Variants in CCM2 observed in about 807,000 individuals in gnomAD.
The protein encoded by CCM2 is cerebral cavernous malformations 2 protein.
CCM2 carries 25 observed loss-of-function variants against 44.9 expected under a neutral mutation model. The observed-to-expected ratio is 0.56, with a 90% CI of 0.41 to 0.78. The LOEUF (loss-of-function observed/expected upper bound fraction) is 0.78. CCM2 is among the 30% of genes least tolerant of loss of function. The pLI, the probability that CCM2 is intolerant of heterozygous loss-of-function variation, is 0.00. For missense variants in CCM2, 481 were observed against 580.6 expected (o/e 0.83, Z 1.76); for synonymous variants, 219 against 241.1 (o/e 0.91, Z 0.85).
chr7:45,068,504 T>C lies in CCM2; in HGVS notation c.534T>C (p.Ser178=), dbSNP rs1415985916. The change falls in exon 5 of 10, where the codon AGT becomes AGC. Residue 178 remains serine (S), a synonymous_variant. Coordinates refer to ENST00000258781, the MANE Select transcript of CCM2 (RefSeq NM_031443.4). ...SLCAESSRGL[S]AGSLSESAVG... is the part of the protein sequence containing the mutation. The stretch of plus-strand genomic sequence containing the variant: ...GTGCGGAAAGTTCCAGAGGCCTCAG[T>C]GCAGGCTCCCTGTCGGAGAGTGCAG... 1.9e-6 allele frequency: 3 copies of C among 1,614,158 alleles called. No homozygotes were observed. The highest frequency in any genetic ancestry group is 2.7e-5 in the African/African-American group (2 of 75,048).
At chr7:45,043,664 C>A in intron 2 of CCM2, 2 of 373,504 alleles carry the variant, frequency 5.4e-6, no homozygotes, top group Non-Finnish European at 1.0e-5. Flanking sequence ...TTTTAATTAA[C>A]ATTTCTTCAA....
intron 1 of CCM2, among the ~76,000 whole-genome samples, chr7:45,009,723 C>A (rs141409162): frequency 6.6e-4 from 101 of 152,188 alleles, no homozygotes; most frequent in African/African-American, 2.2e-3. Flanking sequence ...TTGTTTTATC[C>A]CATATCTAGC....
At chr7:45,027,818 G>A (rs1375559367) in intron 1 of CCM2, 1 of 1,613,524 alleles carries the variant, frequency 6.2e-7, no homozygotes, top group African/African-American at 1.3e-5. Context: ...GTCCAGTGTG[G>A]AAAGCGCCAT....
intron 1 of CCM2, among the ~76,000 whole-genome samples, chr7:45,012,168 C>T (rs377183528): frequency 2.5e-5 from 3 of 119,572 alleles, no homozygotes; most frequent in Non-Finnish European, 3.3e-5. Context: ...TAGTCTTTCT[C>T]TCTTACCCAG....
Position 45,000,316 on chromosome 7 carries a change from G to C in CCM2, c.-18G>C. The C allele has an allele frequency of 7.9e-7, 1 of 1,259,956 alleles. No homozygotes were observed. The highest frequency in any genetic ancestry group is 1.0e-6 in the Non-Finnish European group (1 of 995,254). The allele number at this position is 1,259,956 out of a possible 1,614,324, so 78.0% of individuals were successfully genotyped here. ...CCCGGGGCGGGCCGGGCGGGCCGCGGGAGCCGCACGCGGCGATATGGAAGA... is the reference window on the plus strand; with the variant it reads ...CCCGGGGCGGGCCGGGCGGGCCGCGCGAGCCGCACGCGGCGATATGGAAGA... On this transcript the variant is annotated 5_prime_UTR_variant, in exon 1 of 10. Transcript: ENST00000258781.
intron 2 of CCM2, among the ~76,000 whole-genome samples, chr7:45,041,727 T>C (rs75506113): frequency 1.8e-4 from 27 of 152,306 alleles, no homozygotes; most frequent in African/African-American, 6.5e-4. Flanking sequence ...CAGAGAAAGT[T>C]GAATAGGGAC....
At position 45,000,303 on chromosome 7, in the gene CCM2, C is replaced by T. The variant is rs1451449421; in HGVS notation, c.-31C>T. On this transcript the variant is annotated 5_prime_UTR_variant, in exon 1 of 10. Transcript: ENST00000258781. ...TGGCGGCGGGGCTCCCGGGGCGGGC[C>T]GGGCGGGCCGCGGGAGCCGCACGCG... is the stretch of plus-strand genomic sequence containing the variant. 8.3e-6 allele frequency: 10 copies of T among 1,208,900 alleles called. No individual in the cohort carries two copies. Among genetic ancestry groups the T allele is most frequent in the South Asian group, 3.9e-5 (1 of 25,952 alleles). 74.9% of individuals were successfully genotyped at this position (1,208,900 alleles called of 1,614,324 possible). A position where few individuals can be genotyped will look rare whatever the true frequency, so the allele number is the denominator to read the frequency against.
chr7:45,018,244 G>A (rs1796344005), intron 1 of CCM2, among the ~76,000 whole-genome samples: 1 of 152,180 alleles, frequency 6.6e-6, no homozygotes. Context: ...TGTGCGGCCT[G>A]GCTCCTAACA....
At chr7:45,053,176 A>G (rs770719088) in intron 2 of CCM2, among the ~76,000 whole-genome samples, 7 of 152,208 alleles carry the variant, frequency 4.6e-5, no homozygotes, top group Non-Finnish European at 8.8e-5. Context: ...CTCTATTTCA[A>G]AAACCTCTGA....
At chr7:45,056,195 A>T (rs1393704495) in intron 2 of CCM2, among the ~76,000 whole-genome samples, 1 of 152,244 alleles carries the variant, frequency 6.6e-6, no homozygotes, top group Non-Finnish European at 1.5e-5. Context: ...TTTTGTATAT[A>T]TACCCAGAAG....
intron 2 of CCM2, among the ~76,000 whole-genome samples, chr7:45,050,151 A>T (rs1484091119): frequency 3.3e-5 from 5 of 152,236 alleles, no homozygotes; most frequent in Non-Finnish European, 7.3e-5. Flanking sequence ...TAGAGTCACA[A>T]ATACTTACTA....
intron 1 of CCM2, among the ~76,000 whole-genome samples, chr7:45,015,704 C>A (rs1412133349): frequency 6.6e-6 from 1 of 152,070 alleles, no homozygotes; most frequent in Non-Finnish European, 1.5e-5. Context: ...CAGAGGTGGC[C>A]CAGGACGTCC....
chr7:45,021,205 C>T (rs1796467089), intron 1 of CCM2, among the ~76,000 whole-genome samples: 1 of 152,172 alleles, frequency 6.6e-6, no homozygotes, highest in Non-Finnish European at 1.5e-5. Flanking sequence ...TGCAGTGAGC[C>T]ATGATTGTGC....
upstream of CCM2, chr7:44,999,779 C>G (rs1472767274): frequency 2.2e-6 from 1 of 450,828 alleles, no homozygotes; most frequent in Non-Finnish European, 4.4e-6. Flanking sequence ...AAGATGGCGG[C>G]AAATTGAAAA....
intron 2 of CCM2, among the ~76,000 whole-genome samples, chr7:45,040,703 G>GA (rs2128730902): frequency 1.3e-5 from 2 of 151,836 alleles, no homozygotes; most frequent in East Asian, 3.9e-4. Context: ...AACATAAGGG[G>GA]AGGCCGGGCA....
At chr7:45,033,731 C>T (rs1339898787) in intron 1 of CCM2, among the ~76,000 whole-genome samples, 4 of 152,166 alleles carry the variant, frequency 2.6e-5, no homozygotes, top group Non-Finnish European at 5.9e-5. Flanking sequence ...AACCTCCAGG[C>T]CAGGGTCTTG....
At chr7:45,007,749 C>T (rs141017085) in intron 1 of CCM2, among the ~76,000 whole-genome samples, 81 of 152,082 alleles carry the variant, frequency 5.3e-4, no homozygotes, top group African/African-American at 1.6e-3. Flanking sequence ...GGAGGTTTTT[C>T]ACTTTTCTGA....
intron 1 of CCM2, among the ~76,000 whole-genome samples, chr7:45,033,709 C>T (rs1797076470): frequency 6.6e-6 from 1 of 152,176 alleles, no homozygotes; most frequent in South Asian, 2.1e-4. Flanking sequence ...CCAAATGCCT[C>T]TGTATTTCCA....
At chr7:45,052,252 C>G (rs565734668) in intron 2 of CCM2, among the ~76,000 whole-genome samples, 8 of 152,306 alleles carry the variant, frequency 5.3e-5, no homozygotes, top group Admixed American at 3.9e-4. Flanking sequence ...TTCAGCTGGC[C>G]AGCAGACAGG....
Sources: allele counts gnomAD v4.1 joint callset (sites outside exome capture counted in the v4.1 genomes callset), GRCh38; gene constraint gnomAD v4.1.1; transcripts MANE v1.5; gene names NCBI Gene and HGNC (gene_info 2026-07-23, HGNC 2026-07-21).